The following FILIP1 variants were observed in gnomAD, a reference collection of about 807,000 sequenced individuals.
FILIP1 encodes the protein filamin-A-interacting protein 1.
FILIP1 carries 61 observed loss-of-function variants against 102.1 expected under a neutral mutation model. That is an observed-to-expected ratio of 0.60 (90% CI 0.49 to 0.74). The LOEUF (loss-of-function observed/expected upper bound fraction) is 0.74, where lower values mean the gene tolerates loss of function less well. Among genes scored for constraint, FILIP1 ranks in the 30% least tolerant of loss-of-function variants. The probability of loss-of-function intolerance (pLI) is 0.00; values close to 1 mark genes in which losing one functional copy is unlikely to be tolerated. For missense variants in FILIP1, 1,314 were observed against 1,441.2 expected (o/e 0.91, Z 1.43); for synonymous variants, 491 against 526.9 (o/e 0.93, Z 0.93).
intron 2 of FILIP1, among the ~76,000 whole-genome samples, chr6:75,401,363 T>G (rs890319481): frequency 2.0e-5 from 3 of 152,148 alleles, no homozygotes; most frequent in African/African-American, 7.2e-5. Flanking sequence ...CCAGGTCTTT[T>G]CTCTCTTACC....
At chr6:75,451,778 G>C (rs1271344659) in intron 1 of FILIP1, among the ~76,000 whole-genome samples, 2 of 152,238 alleles carry the variant, frequency 1.3e-5, no homozygotes, top group African/African-American at 4.8e-5. Flanking sequence ...AGATTCCAGT[G>C]AGCCGAGATT....
chr6:75,333,253 T>G (rs1023634016), intron 4 of FILIP1, among the ~76,000 whole-genome samples: 2 of 152,074 alleles, frequency 1.3e-5, no homozygotes, highest in Non-Finnish European at 2.9e-5. Flanking sequence ...TTTGCTAAAT[T>G]TTTTTTGAAT....
At chr6:75,418,964 G>T (rs540437404) in intron 1 of FILIP1, among the ~76,000 whole-genome samples, 190 of 151,936 alleles carry the variant, frequency 1.3e-3, no homozygotes, top group Non-Finnish European at 2.2e-3. Context: ...TTTTATCTAT[G>T]GTCCTCTCTC....
chr6:75,419,807 G>A (rs576559247), intron 1 of FILIP1, among the ~76,000 whole-genome samples: 5 of 152,250 alleles, frequency 3.3e-5, no homozygotes, highest in South Asian at 2.1e-4. Flanking sequence ...GGTTAAATCC[G>A]CATATAAATA....
intron 1 of FILIP1, among the ~76,000 whole-genome samples, chr6:75,443,167 TAA>T: frequency 6.6e-6 from 1 of 152,158 alleles, no homozygotes; most frequent in Non-Finnish European, 1.5e-5. Context: ...TAAACAAAAA[TAA>T]AGTCAATCCA....
intron 2 of FILIP1, among the ~76,000 whole-genome samples, chr6:75,376,492 G>T (rs1015361626): frequency 6.6e-6 from 1 of 152,030 alleles, no homozygotes; most frequent in Non-Finnish European, 1.5e-5. Context: ...ATGTGACCTC[G>T]GGCCAGTTAG....
intron 3 of FILIP1, among the ~76,000 whole-genome samples, chr6:75,362,192 C>G (rs1031251978): frequency 1.3e-5 from 2 of 152,046 alleles, no homozygotes; most frequent in Non-Finnish European, 2.9e-5. Context: ...TATGAGTAAT[C>G]GATAATAATA....
At chr6:75,307,328 CT>C (rs1030267711), downstream of FILIP1, among the ~76,000 whole-genome samples, 1 of 152,042 alleles carries the variant, frequency 6.6e-6, no homozygotes, top group Non-Finnish European at 1.5e-5. Flanking sequence ...AATCATACAT[CT>C]TTTTTTTAAA....
intron 1 of FILIP1, chr6:75,458,033 T>G (rs992866491): frequency 2.0e-5 from 3 of 152,224 alleles, no homozygotes; most frequent in Non-Finnish European, 4.4e-5. Flanking sequence ...GAATGCTCAA[T>G]TAAATCTGAA....
At chr6:75,335,721 G>T (rs1250286818) in intron 4 of FILIP1, among the ~76,000 whole-genome samples, 2 of 152,040 alleles carry the variant, frequency 1.3e-5, no homozygotes, top group African/African-American at 2.4e-5. Context: ...TTAACTTTAA[G>T]GTTAACAGAA....
At chr6:75,489,029 C>T (rs1250231387) in intron 1 of FILIP1, among the ~76,000 whole-genome samples, 6 of 152,020 alleles carry the variant, frequency 3.9e-5, no homozygotes, top group Non-Finnish European at 4.4e-5. Flanking sequence ...CAAAACAAAT[C>T]ATCTAAGGAG....
intron 1 of FILIP1, among the ~76,000 whole-genome samples, chr6:75,477,048 T>TA (rs1158957403): frequency 6.6e-6 from 1 of 152,188 alleles, no homozygotes; most frequent in Non-Finnish European, 1.5e-5. Context: ...AATTATTGGT[T>TA]AAAAAAATTA....
chr6:75,405,650 G>A (rs1339983146), intron 2 of FILIP1, among the ~76,000 whole-genome samples: 1 of 152,212 alleles, frequency 6.6e-6, no homozygotes, highest in Non-Finnish European at 1.5e-5. Flanking sequence ...GACAAGGGAG[G>A]GGAAGGGCTT....
chr6:75,418,758 T>A (rs975511644), intron 1 of FILIP1, among the ~76,000 whole-genome samples: 9 of 152,220 alleles, frequency 5.9e-5, no homozygotes, highest in Non-Finnish European at 1.3e-4. Context: ...AAGATTCAAA[T>A]CACGTTTTAT....
intron 2 of FILIP1, among the ~76,000 whole-genome samples, chr6:75,376,469 G>T (rs1345719165): frequency 6.6e-6 from 1 of 152,116 alleles, no homozygotes; most frequent in Non-Finnish European, 1.5e-5. Context: ...TAGCTCTTTT[G>T]TTTACTACAG....
rs1162985884 is a variant in FILIP1 at position 75,415,104 on chromosome 6, T to A, written c.-6-126A>T. 2.0e-5 allele frequency: 18 copies of A among 901,880 alleles called. No homozygotes were observed. The East Asian group carries it at 4.4e-4, about 22-fold the overall frequency. The allele number at this position is 901,880 out of a possible 1,614,324, so 55.9% of individuals were successfully genotyped here. A position where few individuals can be genotyped will look rare whatever the true frequency, so the allele number is the denominator to read the frequency against. ...AATAAGGAAAAATCAAATTAACATG[T>A]CATTAAAATTTTCAGGAAACCCCTT... On this transcript the variant is annotated intron_variant, in intron 1 of 5. Coordinates refer to ENST00000237172, the MANE Select transcript of FILIP1 (RefSeq NM_015687.5).
At chr6:75,489,055 T>C (rs1433362413) in intron 1 of FILIP1, among the ~76,000 whole-genome samples, 3 of 152,118 alleles carry the variant, frequency 2.0e-5, no homozygotes, top group African/African-American at 7.2e-5. Context: ...TAAAGAATGA[T>C]AAATTTAATA....
intron 1 of FILIP1, among the ~76,000 whole-genome samples, chr6:75,420,593 C>T (rs1294318236): frequency 2.6e-5 from 4 of 152,122 alleles, no homozygotes; most frequent in Non-Finnish European, 4.4e-5. Context: ...GCCTCCCATA[C>T]ATTTATCATG....
intron 1 of FILIP1, among the ~76,000 whole-genome samples, chr6:75,436,351 T>G (rs1582503129): frequency 6.8e-6 from 1 of 147,858 alleles, no homozygotes; most frequent in African/African-American, 2.5e-5. Flanking sequence ...GGCGACAGAG[T>G]GAGACCCTGT....
Sources: allele counts gnomAD v4.1 joint callset (sites outside exome capture counted in the v4.1 genomes callset), GRCh38; gene constraint gnomAD v4.1.1; transcripts MANE v1.5; gene names NCBI Gene and HGNC (gene_info 2026-07-23, HGNC 2026-07-21).